The following GLG1 variants were observed in gnomAD, a reference collection of about 807,000 sequenced individuals.
GLG1 encodes golgi glycoprotein 1, also known as Golgi apparatus protein 1.
In GLG1, 38 loss-of-function variants were observed where a neutral mutation model predicts 160.5. That is an observed-to-expected ratio of 0.24 (90% confidence interval 0.18 to 0.31). The LOEUF (loss-of-function observed/expected upper bound fraction) is 0.31, where lower values mean the gene tolerates loss of function less well. GLG1 is among the 10% of genes least tolerant of loss of function. The probability of loss-of-function intolerance (pLI) is 1.00; values close to 1 mark genes in which losing one functional copy is unlikely to be tolerated. For synonymous variants in GLG1, 644 were observed against 543.4 expected (o/e 1.19, Z -2.57); for missense variants, 1,373 against 1,505.2 (o/e 0.91, Z 1.45).
intron 1 of GLG1, among the ~76,000 whole-genome samples, chr16:74,586,902 G>C (rs1184351089): frequency 6.6e-6 from 1 of 151,894 alleles, no homozygotes; most frequent in Non-Finnish European, 1.5e-5. Flanking sequence ...CACCATGTTC[G>C]TCAGTCTGGT....
At chr16:74,560,087 G>C (rs2018466068) in intron 1 of GLG1, among the ~76,000 whole-genome samples, 1 of 152,142 alleles carries the variant, frequency 6.6e-6, no homozygotes, top group African/African-American at 2.4e-5. Context: ...AACTTCACTG[G>C]GCCACACGCG....
intron 2 of GLG1, among the ~76,000 whole-genome samples, chr16:74,528,068 G>A (rs1189230626): frequency 6.6e-6 from 1 of 151,800 alleles, no homozygotes; most frequent in African/African-American, 2.4e-5. Flanking sequence ...TGTATTTTTA[G>A]TAGAGATGGG....
At chr16:74,571,769 G>T (rs1432169233) in intron 1 of GLG1, among the ~76,000 whole-genome samples, 1 of 152,120 alleles carries the variant, frequency 6.6e-6, no homozygotes, top group Non-Finnish European at 1.5e-5. Flanking sequence ...AGGTGTGACT[G>T]CACCACTGCA....
chr16:74,482,084 G>A (rs541275873), intron 10 of GLG1, among the ~76,000 whole-genome samples: 4 of 152,176 alleles, frequency 2.6e-5, no homozygotes, highest in East Asian at 3.9e-4. Context: ...CACCGCGCCC[G>A]GTTCAAGTGA....
intron 8 of GLG1, among the ~76,000 whole-genome samples, chr16:74,489,805 A>C (rs757905810): frequency 6.6e-6 from 1 of 152,220 alleles, no homozygotes; most frequent in Non-Finnish European, 1.5e-5. Flanking sequence ...GCACACATGC[A>C]CTGGTGTCTA....
In GLG1 at chr16:74,470,017, G is replaced by A. The variant is rs149988960; in HGVS notation, c.2286C>T (p.Asp762=). The change falls in exon 16 of 26, where the codon GAC becomes GAT. Residue 762 remains aspartate (D), a synonymous_variant. Coordinates refer to ENST00000422840, the MANE Select transcript of GLG1 (RefSeq NM_001145667.2). The part of the protein sequence containing the change: ...SYKFKMACKE[D]VLKLCPNIKK... The stretch of plus-strand genomic sequence containing the variant: ...TTATGTTTGGGCAAAGCTTCAACAC[G>A]TCCTCCTTGCAGGCCATTTTAAACT... The A allele has an allele frequency of 4.5e-5, 72 of 1,607,578 alleles. No individual in the cohort carries two copies. The highest frequency in any genetic ancestry group is 1.7e-4 in the Middle Eastern group (1 of 6,048).
At chr16:74,502,239 T>C (rs890703913) in intron 4 of GLG1, among the ~76,000 whole-genome samples, 1 of 152,184 alleles carries the variant, frequency 6.6e-6, no homozygotes, top group African/African-American at 2.4e-5. Context: ...TCCATTACTT[T>C]TCAGGAGTTT....
In GLG1 at chr16:74,471,245, C is replaced by A. The variant is rs748043155; in HGVS notation, c.2157G>T (p.Glu719Asp). The A allele has an allele frequency of 3.7e-6, 6 of 1,611,654 alleles. No homozygotes were observed. The highest frequency in any genetic ancestry group is 5.1e-6 in the Non-Finnish European group (6 of 1,177,760). The change falls in exon 15 of 26, where the codon GAG (glutamate) becomes GAT (aspartate). Residue 719 changes from glutamate (E) to aspartate (D), a missense_variant. Glu to Asp is a conservative substitution (Grantham distance 45). Around this residue, in one of 4 missense-constraint regions of GLG1, gnomAD observed 491 missense variants for 632.1 expected, o/e 0.78. Coordinates refer to ENST00000422840, the MANE Select transcript of GLG1 (RefSeq NM_001145667.2). ...DNQIDSGDLM[E>D]CLIQNKHQKD... ...TCTGGTGTTTGTTCTGTATCAGACA[C>A]TCCATCAGGTCCCCAGAGTCTATCT...
intron 8 of GLG1, among the ~76,000 whole-genome samples, chr16:74,487,599 T>C (rs2015838387): frequency 6.6e-6 from 1 of 152,222 alleles, no homozygotes; most frequent in African/African-American, 2.4e-5. Flanking sequence ...GGAAAATTAC[T>C]ATCGAATGAT....
At chr16:74,565,118 C>A (rs531995067) in intron 1 of GLG1, among the ~76,000 whole-genome samples, 51 of 152,258 alleles carry the variant, frequency 3.3e-4, no homozygotes, top group African/African-American at 1.2e-3. Context: ...ATGAGCAAAT[C>A]ACTGGATGTC....
intron 18 of GLG1, among the ~76,000 whole-genome samples, chr16:74,466,658 G>C (rs1278769861): frequency 6.6e-6 from 1 of 152,100 alleles, no homozygotes; most frequent in African/African-American, 2.4e-5. Flanking sequence ...AAAATCCTCA[G>C]AACAACACAG....
chr16:74,477,550 G>A lies in GLG1; in HGVS notation c.1828-17C>T, dbSNP rs200235449. 1 of 1,604,498 alleles carries A rather than the reference G, an allele frequency of 6.2e-7. No homozygotes were observed. The highest frequency in any genetic ancestry group is 8.5e-7 in the Non-Finnish European group (1 of 1,174,060). On this transcript the variant is annotated splice_polypyrimidine_tract_variant and intron_variant, in intron 11 of 25. Transcript: ENST00000422840. ...CCGTGAGAGCTGCATGAGAAAAAATGAGCTAAATACTTGAAAGGTAACAAA... is the reference window on the plus strand; with the variant it reads ...CCGTGAGAGCTGCATGAGAAAAAATAAGCTAAATACTTGAAAGGTAACAAA...
intron 1 of GLG1, among the ~76,000 whole-genome samples, chr16:74,588,495 C>A (rs1473958690): frequency 6.6e-6 from 1 of 152,078 alleles, no homozygotes; most frequent in Non-Finnish European, 1.5e-5. Flanking sequence ...TCTGTTGCCA[C>A]TGCAGCCTCG....
rs551676338 is a variant in GLG1 at position 74,495,160 on chromosome 16, C to A, written c.979-329G>T. Among the ~76,000 whole-genome samples the A allele has an allele frequency of 2.8e-3, 376 of 135,260 alleles. 1 individual carries two copies. Among genetic ancestry groups the A allele is most frequent in the African/African-American group, 1.0e-2 (357 of 35,872 alleles). 88.7% of individuals were successfully genotyped at this position (135,260 alleles called of 152,430 possible). A position where few individuals can be genotyped will look rare whatever the true frequency, so the allele number is the denominator to read the frequency against. ...AGTCAGTCTTGCTCTGTTGCCCAGGCTGGAGTGCAGTGGCACAATCTTAGC... is the reference window on the plus strand; with the variant it reads ...AGTCAGTCTTGCTCTGTTGCCCAGGATGGAGTGCAGTGGCACAATCTTAGC... On this transcript the variant is annotated intron_variant, in intron 5 of 25. Coordinates refer to ENST00000422840, the MANE Select transcript of GLG1 (RefSeq NM_001145667.2).
At chr16:74,477,200 C>T (rs541077737) in intron 12 of GLG1, among the ~76,000 whole-genome samples, 196 bp downstream of exon 12, 1 of 152,282 alleles carries the variant, frequency 6.6e-6, no homozygotes, top group South Asian at 2.1e-4. Flanking sequence ...CACAAACTCA[C>T]TGCCAACTAT....
chr16:74,584,186 A>C (rs774456619), intron 1 of GLG1, among the ~76,000 whole-genome samples: 5 of 152,188 alleles, frequency 3.3e-5, no homozygotes, highest in Non-Finnish European at 7.3e-5. Flanking sequence ...CCCGAAAACA[A>C]AACTAAGTTA....
intron 1 of GLG1, among the ~76,000 whole-genome samples, chr16:74,543,025 T>G (rs1158440471): frequency 2.0e-5 from 3 of 151,910 alleles, no homozygotes; most frequent in Non-Finnish European, 4.4e-5. Context: ...CAGACCCGAG[T>G]ACCTGCACAT....
intron 1 of GLG1, among the ~76,000 whole-genome samples, chr16:74,555,071 A>G (rs1216279122): frequency 6.6e-6 from 1 of 152,246 alleles, no homozygotes; most frequent in Non-Finnish European, 1.5e-5. Context: ...AGACTTTGTG[A>G]TAAAACGGGA....
rs572346657 is a variant in GLG1, at chr16:74,547,353, G to A, written c.439-15200C>T. Among the ~76,000 whole-genome samples, 20 of 151,174 alleles carry A rather than the reference G, an allele frequency of 1.3e-4. 1 individual carries two copies. Among genetic ancestry groups the A allele is most frequent in the African/African-American group, 3.4e-4 (14 of 41,058 alleles). ...TTCCAAAGATGACTAATCACATTTC[G>A]CTTTAGAATTTAAGATTAAGCAGAT... On this transcript the variant is annotated intron_variant, in intron 1 of 25. Transcript: ENST00000422840.
Sources: gnomAD v4.1 joint callset for allele counts (sites outside exome capture counted in the v4.1 genomes callset) on GRCh38, gnomAD v4.1.1 for gene constraint, gnomAD v4.1.1 regional missense constraint, MANE v1.5 for transcripts, NCBI Gene and HGNC (gene_info 2026-07-23, HGNC 2026-07-21) for gene names.